Variants in SAMD4B observed in about 807,000 individuals in gnomAD.
SAMD4B encodes the protein sterile alpha motif domain containing 4B, also known as protein Smaug homolog 2.
A neutral mutation model predicts 74.5 loss-of-function variants in SAMD4B; 5 were observed. That is an observed-to-expected ratio of 0.07 (90% confidence interval 0.04 to 0.14). The LOEUF is 0.14. SAMD4B is among the 10% of genes least tolerant of loss of function. SAMD4B has a pLI of 1.00. For missense variants in SAMD4B, 608 were observed against 921.8 expected (o/e 0.66, Z 4.41); for synonymous variants, 373 against 374.9 (o/e 1.00, Z 0.06).
At chr19:39,351,720 G>A (rs933500741) in intron 1 of SAMD4B, 2 of 151,954 alleles carry the variant, frequency 1.3e-5, no homozygotes, top group Non-Finnish European at 2.9e-5. Flanking sequence ...TCATTCTGAA[G>A]CAGGCTTCCA....
In SAMD4B at chr19:39,384,268, T is replaced by C. The variant is rs2078172526; in HGVS notation, c.*741T>C. ...ACAGTGGCAGGGAGAGCCTGAACTT[T>C]ATGAGGGGAGAGGGCAGAGCCCCCT... is the stretch of plus-strand genomic sequence containing the variant. On this transcript the variant is annotated 3_prime_UTR_variant, in exon 14 of 14. Transcript: ENST00000610417. The C allele has an allele frequency of 6.5e-6, 1 of 152,940 alleles. No individual in the cohort carries two copies. Among genetic ancestry groups the C allele is most frequent in the Admixed American group, 6.5e-5 (1 of 15,330 alleles). 9.5% of individuals were successfully genotyped at this position (152,940 alleles called of 1,614,324 possible).
At chr19:39,389,127 G>T, downstream of SAMD4B, 1 of 1,614,050 alleles carries the variant, frequency 6.2e-7, no homozygotes, top group Non-Finnish European at 8.5e-7. The surrounding 1 kb of genome is among the most constrained non-coding windows in gnomAD (Gnocchi z 5.3). Flanking sequence ...CTTCTCAATG[G>T]CTGTGATCTG....
chr19:39,346,846 T>C (rs1009640891), intron 1 of SAMD4B, among the ~76,000 whole-genome samples: 20 of 152,218 alleles, frequency 1.3e-4, no homozygotes, highest in Admixed American at 1.2e-3. Context: ...CCTGGTCTTT[T>C]AGTTTCCACA....
At chr19:39,364,548 G>A (rs963389785) in intron 3 of SAMD4B, among the ~76,000 whole-genome samples, 14 of 152,172 alleles carry the variant, frequency 9.2e-5, no homozygotes, top group African/African-American at 3.4e-4. Context: ...GCATATCCTT[G>A]ACTTATTTTT....
Position 39,369,953 on chromosome 19 carries a change from C to T in SAMD4B, c.495C>T (p.Ser165=). The T allele has an allele frequency of 6.2e-7, 1 of 1,613,818 alleles. No individual in the cohort carries two copies. Among genetic ancestry groups the T allele is most frequent in the Non-Finnish European group, 8.5e-7 (1 of 1,179,878 alleles). The change falls in exon 4 of 14, where the codon TCC becomes TCT. Residue 165 remains serine, a synonymous_variant. Coordinates refer to ENST00000610417, the MANE Select transcript of SAMD4B (RefSeq NM_001384574.2). The part of the protein sequence containing the change: ...ASGFRSRPEP[S]YHSRQGSDEW... ...GCTTCCGCTCCCGGCCAGAGCCCTCCTACCATTCACGTCAAGGCTCAGATG... is the reference window on the plus strand; with the variant it reads ...GCTTCCGCTCCCGGCCAGAGCCCTCTTACCATTCACGTCAAGGCTCAGATG...
chr19:39,376,867 G>T (rs942996487), intron 7 of SAMD4B, 76 bp downstream of exon 7: 29 of 1,284,410 alleles, frequency 2.3e-5, no homozygotes, highest in Non-Finnish European at 3.3e-5. Context: ...CCCTGAGTTG[G>T]CCTCCAGACT....
downstream of SAMD4B, chr19:39,386,410 G>A (rs2078250324): frequency 6.2e-7 from 1 of 1,614,032 alleles, no homozygotes; most frequent in Non-Finnish European, 8.5e-7. The surrounding 1 kb of genome is among the most constrained non-coding windows in gnomAD (Gnocchi z 6.1). Context: ...TCATCTGGAA[G>A]GGAGTGGAGA....
At chr19:39,349,484 C>T (rs1242931559) in intron 1 of SAMD4B, among the ~76,000 whole-genome samples, 2 of 152,284 alleles carry the variant, frequency 1.3e-5, no homozygotes, top group East Asian at 3.9e-4. Flanking sequence ...CCCTCCCTTC[C>T]CCAGCACCAT....
rs1486106297 is a variant in SAMD4B at position 39,385,295 on chromosome 19, C to G, written c.*1768C>G. 5.4e-6 allele frequency: 2 copies of G among 371,494 alleles called. No individual in the cohort carries two copies. The highest frequency in any genetic ancestry group is 4.6e-5 in the Admixed American group (1 of 21,894). 23.0% of individuals were successfully genotyped at this position (371,494 alleles called of 1,614,324 possible). A position where few individuals can be genotyped will look rare whatever the true frequency, so the allele number is the denominator to read the frequency against. ...CTCGTTTGGAATCAGCAGGGTGTCCCTCTCATGGGACCCTCCCCTCTCCCC... is the reference window on the plus strand; with the variant it reads ...CTCGTTTGGAATCAGCAGGGTGTCCGTCTCATGGGACCCTCCCCTCTCCCC... On this transcript the variant is annotated 3_prime_UTR_variant, in exon 14 of 14. Transcript: ENST00000610417.
At chr19:39,346,309 A>G (rs2075697662) in intron 1 of SAMD4B, among the ~76,000 whole-genome samples, 1 of 152,184 alleles carries the variant, frequency 6.6e-6, no homozygotes, top group Non-Finnish European at 1.5e-5. Context: ...GGGAGTTGGG[A>G]CAATGATGGT....
In SAMD4B at chr19:39,384,767, G is replaced by A. The variant is rs911697207; in HGVS notation, c.*1240G>A. On this transcript the variant is annotated 3_prime_UTR_variant, in exon 14 of 14. Transcript: ENST00000610417. ...CCCCCTCAACCCACCTTCCCAACTG[G>A]GACATTCTCAAGCTTTTCACACCGA... is the stretch of plus-strand genomic sequence containing the variant. The A allele has an allele frequency of 6.6e-6, 1 of 152,242 alleles. No individual in the cohort carries two copies. The highest frequency in any genetic ancestry group is 2.4e-5 in the African/African-American group (1 of 41,258). The allele number at this position is 152,242 out of a possible 1,614,324, so 9.4% of individuals were successfully genotyped here. A position where few individuals can be genotyped will look rare whatever the true frequency, so the allele number is the denominator to read the frequency against.
intron 4 of SAMD4B, among the ~76,000 whole-genome samples, chr19:39,371,552 C>G (rs748940412): frequency 6.6e-6 from 1 of 152,186 alleles, no homozygotes. Flanking sequence ...CATGGTGGCT[C>G]ACGCCTGTAA....
At position 39,352,766 on chromosome 19, in the gene SAMD4B, G is replaced by T. The variant is rs368393392; in HGVS notation, c.-266-1240G>T. ...AGCAGCTTATTGGGTGGGTGGAGGG[G>T]GGGAACAGTGCTGTTGCTTAGGAAA... is the stretch of plus-strand genomic sequence containing the variant. On this transcript the variant is annotated intron_variant, in intron 1 of 13. Coordinates refer to ENST00000610417, the MANE Select transcript of SAMD4B (RefSeq NM_001384574.2). Among the ~76,000 whole-genome samples the T allele has an allele frequency of 3.3e-5, 5 of 151,572 alleles. No homozygotes were observed. In the East Asian group the frequency reaches 9.7e-4, roughly 29 times the overall value.
downstream of SAMD4B, chr19:39,386,210 A>G (rs746463953): frequency 6.2e-7 from 1 of 1,614,080 alleles, no homozygotes; most frequent in Middle Eastern, 1.6e-4. The surrounding 1 kb of genome is among the most constrained non-coding windows in gnomAD (Gnocchi z 6.1). Context: ...CGTCCTCAGA[A>G]TCAGCATCAC....
chr19:39,342,775 C>T (rs1027157504), intron 1 of SAMD4B, among the ~76,000 whole-genome samples, 199 bp downstream of exon 1: 7 of 151,626 alleles, frequency 4.6e-5, no homozygotes, highest in Non-Finnish European at 7.4e-5. Flanking sequence ...CCCCAGTCTC[C>T]CTCCTGGGCC....
rs1232081949 is a variant in SAMD4B, at chr19:39,385,396, GTC to G, written c.*1872_*1873del. On this transcript the variant is annotated 3_prime_UTR_variant, in exon 14 of 14. Coordinates refer to ENST00000610417, the MANE Select transcript of SAMD4B (RefSeq NM_001384574.2). ...GCACTGGGAGGTGGTGAGGGACACCGTCTCACACACACAGGGAGGCAAGAGCT... is the reference window on the plus strand; with the variant it reads ...GCACTGGGAGGTGGTGAGGGACACCGTCACACACACAGGGAGGCAAGAGCT... 2.4e-6 allele frequency: 1 copy of G among 409,184 alleles called. No individual in the cohort carries two copies. The highest frequency in any genetic ancestry group is 3.9e-5 in the Admixed American group (1 of 25,436). 25.3% of individuals were successfully genotyped at this position (409,184 alleles called of 1,614,324 possible).
intron 12 of SAMD4B, among the ~76,000 whole-genome samples, chr19:39,381,809 G>A (rs976792724): frequency 1.3e-5 from 2 of 152,312 alleles, no homozygotes; most frequent in Non-Finnish European, 1.5e-5. Flanking sequence ...GCACACACCC[G>A]TAGTCCCAGC....
chr19:39,377,936 C>T, intron 8 of SAMD4B, 112 bp downstream of exon 8: 2 of 1,027,084 alleles, frequency 1.9e-6, no homozygotes, highest in South Asian at 1.6e-5. Flanking sequence ...GTAAAGCCTA[C>T]TGGAGACTGG....
In SAMD4B at chr19:39,385,684, C is replaced by A. The variant is rs985450640; in HGVS notation, c.*2157C>A. The A allele has an allele frequency of 3.3e-3, 1,715 of 512,080 alleles. 4 individuals are homozygous for A. Among genetic ancestry groups the A allele is most frequent in the East Asian group, 7.3e-3 (237 of 32,506 alleles). 31.7% of individuals were successfully genotyped at this position (512,080 alleles called of 1,614,324 possible). On this transcript the variant is annotated 3_prime_UTR_variant, in exon 14 of 14. Coordinates refer to ENST00000610417, the MANE Select transcript of SAMD4B (RefSeq NM_001384574.2). ...GGGCTTATTTTGGAAAAAAAAAAAA[C>A]AAACAAAAAAAACGAATTCTGACCT...
Sources: allele counts gnomAD v4.1 joint callset (sites outside exome capture counted in the v4.1 genomes callset), GRCh38; gene constraint gnomAD v4.1.1; non-coding constraint Gnocchi (gnomAD v3.1); transcripts MANE v1.5; gene names NCBI Gene and HGNC (gene_info 2026-07-23, HGNC 2026-07-21).